The following SUGCT variants were observed in gnomAD, a reference collection of about 807,000 sequenced individuals.
The protein encoded by SUGCT is succinyl-CoA:glutarate-CoA transferase.
In SUGCT, 41 loss-of-function variants were observed where a neutral mutation model predicts 55.0. The observed-to-expected ratio is 0.74, with a 90% CI of 0.58 to 0.97. The LOEUF is 0.97. Among genes scored for constraint, SUGCT ranks in the 50% least tolerant of loss-of-function variants. The pLI is 0.00. For missense variants in SUGCT, 568 were observed against 547.8 expected, an observed-to-expected ratio of 1.04 and a Z score of -0.37; for synonymous variants, 187 against 200.4, an observed-to-expected ratio of 0.93 and a Z score of 0.56.
intron 9 of SUGCT, among the ~76,000 whole-genome samples, chr7:40,439,068 A>ATATATGTGTGTGTG (rs1417774581): frequency 2.3e-4 from 8 of 34,454 alleles, no homozygotes; most frequent in African/African-American, 6.6e-4. Flanking sequence ...TATGGTGTAT[A>ATATATGTGTGTGTG]TATATATATA....
the SUGCT span, among the ~76,000 whole-genome samples, chr7:40,955,898 T>G: frequency 6.6e-6 from 1 of 152,212 alleles, no homozygotes; most frequent in Non-Finnish European, 1.5e-5. Context: ...ATGTGATTGT[T>G]GTCATTGATT....
chr7:40,347,316 C>G (rs1370219458), intron 9 of SUGCT, among the ~76,000 whole-genome samples: 1 of 152,128 alleles, frequency 6.6e-6, no homozygotes, highest in African/African-American at 2.4e-5. Flanking sequence ...AAATGAGGAA[C>G]AGGTTATTGG....
intron 13 of SUGCT, among the ~76,000 whole-genome samples, chr7:40,848,106 C>A (rs1793670293): frequency 6.6e-6 from 1 of 152,200 alleles, no homozygotes; most frequent in Admixed American, 6.5e-5. Flanking sequence ...GGATTCCACA[C>A]CGATGGTGTA....
At chr7:40,249,319 A>ATCTATCTATCTATCTATCTATC (rs1562612016) in intron 7 of SUGCT, among the ~76,000 whole-genome samples, 3 of 39,762 alleles carry the variant, frequency 7.5e-5, no homozygotes, top group African/African-American at 2.0e-4. Flanking sequence ...AAAGCTATAT[A>ATCTATCTATCTATCTATCTATC]TATATATATA....
intron 1 of SUGCT, among the ~76,000 whole-genome samples, chr7:40,169,108 G>A (rs1487684903): frequency 2.0e-5 from 3 of 152,104 alleles, no homozygotes; most frequent in Non-Finnish European, 4.4e-5. Flanking sequence ...GGAGGACTAG[G>A]TAAGCACACT....
chr7:40,913,070 G>A, the SUGCT span, among the ~76,000 whole-genome samples: 1 of 147,670 alleles, frequency 6.8e-6, no homozygotes, highest in Admixed American at 6.8e-5. Flanking sequence ...GAGTGCAGTG[G>A]CGCGATCTTG....
At chr7:41,013,786 C>T in the SUGCT span, among the ~76,000 whole-genome samples, 1 of 150,174 alleles carries the variant, frequency 6.7e-6, no homozygotes, top group African/African-American at 2.5e-5. Context: ...GAAACATTGA[C>T]TTTTGATTTT....
chr7:40,382,984 A>C (rs1231755784), intron 9 of SUGCT, among the ~76,000 whole-genome samples: 1 of 152,182 alleles, frequency 6.6e-6, no homozygotes, highest in Non-Finnish European at 1.5e-5. Context: ...AGAAGCTTGG[A>C]TAGATATTAA....
the SUGCT span, among the ~76,000 whole-genome samples, chr7:40,957,442 C>T: frequency 3.2e-5 from 4 of 126,864 alleles, no homozygotes; most frequent in African/African-American, 1.2e-4. Context: ...GGATTGCAAC[C>T]CCTGCTTTTT....
intron 12 of SUGCT, among the ~76,000 whole-genome samples, chr7:40,690,866 C>T (rs551909880): frequency 6.6e-6 from 1 of 152,260 alleles, no homozygotes; most frequent in African/African-American, 2.4e-5. Flanking sequence ...CAGGAGCCAC[C>T]ACACCTGGCC....
downstream of SUGCT, among the ~76,000 whole-genome samples, chr7:40,861,643 C>T (rs958530568): frequency 7.2e-5 from 11 of 152,178 alleles, no homozygotes; most frequent in African/African-American, 2.7e-4. Context: ...TCATATTCTT[C>T]TTTATTAGAA....
chr7:40,154,315 GAATGT>G (rs3046488), intron 1 of SUGCT, among the ~76,000 whole-genome samples: 6 of 151,482 alleles, frequency 4.0e-5, no homozygotes, highest in South Asian at 4.2e-4. Flanking sequence ...CAAAAGATGT[GAATGT>G]AATGTAATGT....
At chr7:40,616,263 T>C (rs563638823) in intron 12 of SUGCT, among the ~76,000 whole-genome samples, 1 of 152,292 alleles carries the variant, frequency 6.6e-6, no homozygotes, top group African/African-American at 2.4e-5. Flanking sequence ...TGGTGCGATC[T>C]TGGCTCACTG....
the SUGCT span, among the ~76,000 whole-genome samples, chr7:40,946,838 T>A: frequency 6.6e-6 from 1 of 152,228 alleles, no homozygotes; most frequent in Non-Finnish European, 1.5e-5. Flanking sequence ...ATCTTTTGTA[T>A]GTGATGATAT....
At chr7:40,463,547 A>G (rs1789933068) in intron 11 of SUGCT, among the ~76,000 whole-genome samples, 1 of 152,148 alleles carries the variant, frequency 6.6e-6, no homozygotes, top group African/African-American at 2.4e-5. Context: ...AGTACCTACC[A>G]GAGTTGTCAG....
At chr7:40,846,752 A>T (rs1793576584) in intron 13 of SUGCT, among the ~76,000 whole-genome samples, 1 of 152,228 alleles carries the variant, frequency 6.6e-6, no homozygotes, top group Admixed American at 6.5e-5. Flanking sequence ...CTTCCACATT[A>T]TGCAGGGAGG....
intron 1 of SUGCT, among the ~76,000 whole-genome samples, chr7:40,171,835 A>G (rs1282738060): frequency 1.3e-5 from 2 of 152,256 alleles, no homozygotes; most frequent in Non-Finnish European, 2.9e-5. Flanking sequence ...TACACTGACA[A>G]CAAGGTAGTA....
chr7:40,313,797 G>T (rs1348048069), intron 8 of SUGCT, among the ~76,000 whole-genome samples: 1 of 146,968 alleles, frequency 6.8e-6, no homozygotes, highest in Non-Finnish European at 1.5e-5. Flanking sequence ...TTGCTATGTT[G>T]CCCAGGTGGG....
chr7:40,156,317 GC>G (rs2150626455), intron 1 of SUGCT, among the ~76,000 whole-genome samples: 2 of 152,112 alleles, frequency 1.3e-5, no homozygotes, highest in East Asian at 3.9e-4. Context: ...CAAAAAATTA[GC>G]CCGGCGTGGT....
Sources: allele counts gnomAD v4.1 joint callset (sites outside exome capture counted in the v4.1 genomes callset), GRCh38; gene constraint gnomAD v4.1.1; transcripts MANE v1.5; gene names NCBI Gene and HGNC (gene_info 2026-07-23, HGNC 2026-07-21).